BBS9: variants seen among roughly 807,000 people sequenced by gnomAD.
The protein encoded by BBS9 is Bardet-Biedl syndrome 9.
In BBS9, 89 loss-of-function variants were observed where a neutral mutation model predicts 117.7. That is an observed-to-expected ratio of 0.76 (90% confidence interval 0.64 to 0.90). The LOEUF is 0.90. Among genes scored for constraint, BBS9 ranks in the 40% least tolerant of loss-of-function variants. The pLI is 0.00. For synonymous variants in BBS9, 379 were observed against 370.9 expected (o/e 1.02, Z -0.25); for missense variants, 982 against 1,042.2 (o/e 0.94, Z 0.80).
chr7:33,536,701 C>CCCCGCCCCCCGCCTTCCCCCCGCCT, intron 21 of BBS9, among the ~76,000 whole-genome samples: 1 of 136,458 alleles, frequency 7.3e-6, no homozygotes, highest in African/African-American at 2.6e-5. Context: ...CCCCGCCTCC[C>CCCCGCCCCCCGCCTTCCCCCCGCCT]CCCACCCCAC....
Position 33,516,228 on chromosome 7 carries a change from C to G in BBS9, c.2298+10583C>G, listed in dbSNP as rs545577098. Among the ~76,000 whole-genome samples, 6 of 152,186 alleles carry G rather than the reference C, an allele frequency of 3.9e-5. No homozygotes were observed. The South Asian group carries it at 1.2e-3, about 32-fold the overall frequency. ...AACATAGGCCGGGCGCGGTGGCTCA[C>G]ACCTGTAATCCCAGCACTTTGGGAG... On this transcript the variant is annotated intron_variant, in intron 20 of 22. Transcript: ENST00000242067.
intron 21 of BBS9, among the ~76,000 whole-genome samples, chr7:33,601,184 C>T (rs1456911993): frequency 6.6e-6 from 1 of 152,162 alleles, no homozygotes; most frequent in Non-Finnish European, 1.5e-5. Context: ...GTGCTCAGCA[C>T]ACAGTAGGTC....
At chr7:33,561,639 TAG>T (rs1254191590) in intron 21 of BBS9, among the ~76,000 whole-genome samples, 3 of 152,064 alleles carry the variant, frequency 2.0e-5, no homozygotes, top group Admixed American at 6.6e-5. Context: ...CTCTAAAAAC[TAG>T]AGAGGAGATC....
chr7:33,280,905 G>GTTT (rs748350404), intron 9 of BBS9, among the ~76,000 whole-genome samples: 581 of 48,680 alleles, frequency 0.012, 115 homozygotes, highest in Middle Eastern at 0.034. Context: ...TTAATTTGTC[G>GTTT]TTTTTGTTTT....
chr7:33,533,793 C>G, intron 20 of BBS9, 161 bp from the exon 21 acceptor site: 1 of 804,502 alleles, frequency 1.2e-6, no homozygotes, highest in Admixed American at 2.3e-5. Context: ...GTGACAGAGC[C>G]AGAATTCCAA....
chr7:33,247,641 A>C (rs1161806900), intron 5 of BBS9, among the ~76,000 whole-genome samples: 4 of 152,154 alleles, frequency 2.6e-5, no homozygotes, highest in African/African-American at 9.7e-5. Context: ...CTGTTCTTAC[A>C]TTGTTGTACT....
intron 19 of BBS9, among the ~76,000 whole-genome samples, chr7:33,428,268 T>A (rs1338010976): frequency 6.6e-6 from 1 of 152,194 alleles, no homozygotes; most frequent in Non-Finnish European, 1.5e-5. Flanking sequence ...AATTGATTTT[T>A]GACAGGTGTG....
At chr7:33,354,947 T>C (rs1819362823) in intron 15 of BBS9, among the ~76,000 whole-genome samples, 1 of 152,084 alleles carries the variant, frequency 6.6e-6, no homozygotes, top group Non-Finnish European at 1.5e-5. Flanking sequence ...ACAGTCAGTG[T>C]GATAAATGAC....
intron 19 of BBS9, among the ~76,000 whole-genome samples, chr7:33,448,930 C>T (rs1025064647): frequency 6.6e-6 from 1 of 152,152 alleles, no homozygotes; most frequent in Non-Finnish European, 1.5e-5. Flanking sequence ...TCATTTCCTC[C>T]CAGAGGACAA....
chr7:33,557,143 G>T (rs937509117), intron 21 of BBS9, among the ~76,000 whole-genome samples: 15 of 152,220 alleles, frequency 9.9e-5, no homozygotes, highest in African/African-American at 3.6e-4. Context: ...ATGCTTTGAA[G>T]AATTTATTAG....
intron 5 of BBS9, among the ~76,000 whole-genome samples, chr7:33,216,398 G>C (rs1789071859): frequency 6.6e-6 from 1 of 152,118 alleles, no homozygotes; most frequent in African/African-American, 2.4e-5. Context: ...TTTTCTGTTT[G>C]CCAAGGAAAG....
intron 9 of BBS9, among the ~76,000 whole-genome samples, chr7:33,297,399 T>A (rs1217446267): frequency 6.6e-6 from 1 of 152,158 alleles, no homozygotes; most frequent in African/African-American, 2.4e-5. Context: ...CTAAAGAATA[T>A]AAGGAAGCAT....
intron 20 of BBS9, among the ~76,000 whole-genome samples, chr7:33,533,350 C>T (rs985387689): frequency 6.6e-6 from 1 of 152,220 alleles, no homozygotes; most frequent in Non-Finnish European, 1.5e-5. Flanking sequence ...GGGTCATTTA[C>T]CGTCACCTGG....
At chr7:33,259,157 TC>T (rs1797561930) in intron 6 of BBS9, among the ~76,000 whole-genome samples, 1 of 152,216 alleles carries the variant, frequency 6.6e-6, no homozygotes, top group Non-Finnish European at 1.5e-5. Flanking sequence ...CTATGTTTGT[TC>T]TTTTGAGGCT....
At chr7:33,214,067 A>G (rs1788574748) in intron 5 of BBS9, among the ~76,000 whole-genome samples, 1 of 152,140 alleles carries the variant, frequency 6.6e-6, no homozygotes, top group Non-Finnish European at 1.5e-5. Context: ...TAGGAATTGC[A>G]TACCTGTGTC....
intron 19 of BBS9, among the ~76,000 whole-genome samples, chr7:33,503,501 A>G (rs1394573844): frequency 1.3e-5 from 2 of 150,090 alleles, no homozygotes; most frequent in Non-Finnish European, 2.9e-5. Context: ...TAGCCTATAG[A>G]GTCTTCCTTA....
chr7:33,378,674 T>TGAG (rs1358338315), intron 17 of BBS9, among the ~76,000 whole-genome samples: 2 of 152,238 alleles, frequency 1.3e-5, no homozygotes, highest in Admixed American at 1.3e-4. Flanking sequence ...CATAGGCAGC[T>TGAG]GAGGCAGACA....
At chr7:33,200,483 G>A (rs775660580) in intron 5 of BBS9, among the ~76,000 whole-genome samples, 6 of 152,138 alleles carry the variant, frequency 3.9e-5, no homozygotes, top group African/African-American at 1.4e-4. Context: ...ACTCATTGTA[G>A]AGTACTAAGA....
chr7:33,183,183 G>T (rs550446749), intron 5 of BBS9, among the ~76,000 whole-genome samples: 1 of 152,100 alleles, frequency 6.6e-6, no homozygotes, highest in Non-Finnish European at 1.5e-5. Context: ...TTCCACGAGG[G>T]AAACAGATGT....
Sources: allele counts gnomAD v4.1 joint callset (sites outside exome capture counted in the v4.1 genomes callset), GRCh38; gene constraint gnomAD v4.1.1; transcripts MANE v1.5; gene names NCBI Gene and HGNC (gene_info 2026-07-23, HGNC 2026-07-21).